Variants in FOXL2NB observed in about 807,000 individuals in gnomAD.
The protein encoded by FOXL2NB is FOXL2 neighbor protein.
FOXL2NB carries 10 observed loss-of-function variants against 7.4 expected under a neutral mutation model. The ratio of observed to expected loss-of-function variants is 1.34; its 90% CI spans 0.83 to 2.28. FOXL2NB has a LOEUF of 2.28. Among genes scored for constraint, FOXL2NB ranks in the 30% most tolerant of loss-of-function variants. The pLI is 0.00. For missense variants in FOXL2NB, 228 were observed against 233.9 expected, an observed-to-expected ratio of 0.97 and a Z score of 0.17; for synonymous variants, 104 against 105.3, an observed-to-expected ratio of 0.99 and a Z score of 0.08.
At position 138,949,397 on chromosome 3, in the gene FOXL2NB, T is replaced by C. The variant is rs796373923; in HGVS notation, c.101-123T>C. On this transcript the variant is annotated intron_variant, in intron 1 of 2. Coordinates refer to ENST00000383165, the MANE Select transcript of FOXL2NB (RefSeq NM_001040061.3). The surrounding 1 kb of genome is among the most constrained non-coding windows in gnomAD (Gnocchi z 4.5). ...CTGTGTGTGTATGCATGTGCGTGTGTGTGTGTGTGTGTGTGTGTGTAGGGG... is the reference window on the plus strand; with the variant it reads ...CTGTGTGTGTATGCATGTGCGTGTGCGTGTGTGTGTGTGTGTGTGTAGGGG... 1.1e-5 allele frequency: 11 copies of C among 1,026,330 alleles called. No individual in the cohort carries two copies. Among genetic ancestry groups the C allele is most frequent in the Non-Finnish European group, 1.3e-5 (9 of 703,128 alleles). 63.6% of individuals were successfully genotyped at this position (1,026,330 alleles called of 1,614,324 possible).
rs367968677 is a variant in FOXL2NB at position 138,949,507 on chromosome 3, C to T, written c.101-13C>T. The T allele has an allele frequency of 9.6e-5, 155 of 1,613,792 alleles. 1 individual carries two copies. Among genetic ancestry groups the T allele is most frequent in the Non-Finnish European group, 1.3e-4 (148 of 1,179,968 alleles). On this transcript the variant is annotated splice_polypyrimidine_tract_variant and intron_variant, in intron 1 of 2. Coordinates refer to ENST00000383165, the MANE Select transcript of FOXL2NB (RefSeq NM_001040061.3). This position sits in a 1 kb window ranked among gnomAD's most constrained non-coding sequence, Gnocchi z 4.5. Reference sequence around the variant, plus strand: ...TGAAAATACTGATTTCTGACTGTCCCGTAGAGGAACAGAATCCCCAGCCCT... The same window carrying T: ...TGAAAATACTGATTTCTGACTGTCCTGTAGAGGAACAGAATCCCCAGCCCT...
Position 138,949,674 on chromosome 3 carries a change from A to G in FOXL2NB, c.220+35A>G. The G allele has an allele frequency of 6.2e-7, 1 of 1,613,716 alleles. No homozygotes were observed. The highest frequency in any genetic ancestry group is 8.5e-7 in the Non-Finnish European group (1 of 1,179,896). On this transcript the variant is annotated intron_variant, in intron 2 of 2. Coordinates refer to ENST00000383165, the MANE Select transcript of FOXL2NB (RefSeq NM_001040061.3). The surrounding 1 kb of genome is among the most constrained non-coding windows in gnomAD (Gnocchi z 4.5). ...TGCGGGCGGGAAAGCTGGCAGAATGATTACTTTCAGGTCCCCTCCAGGCTT... is the reference window on the plus strand; with the variant it reads ...TGCGGGCGGGAAAGCTGGCAGAATGGTTACTTTCAGGTCCCCTCCAGGCTT...
At position 138,953,603 on chromosome 3, in the gene FOXL2NB, T is replaced by G. The variant is rs2107750844; in HGVS notation, c.*3031T>G. Among the ~76,000 whole-genome samples the G allele has an allele frequency of 6.6e-6, 1 of 152,358 alleles. No individual in the cohort carries two copies. The highest frequency in any genetic ancestry group is 2.1e-4 in the South Asian group (1 of 4,828). On this transcript the variant is annotated 3_prime_UTR_variant, in exon 3 of 3. Coordinates refer to ENST00000383165, the MANE Select transcript of FOXL2NB (RefSeq NM_001040061.3). ...TTACAGATGGTAAACAATATACAGC[T>G]TGATGTATTCTGACATGTAATGCAG... is the stretch of plus-strand genomic sequence containing the variant.
In FOXL2NB at chr3:138,950,579, C is replaced by T. The variant is rs781119604; in HGVS notation, c.*7C>T. On this transcript the variant is annotated 3_prime_UTR_variant, in exon 3 of 3. Transcript: ENST00000383165. ...GCTTCACTGTGTCTATTAGTACATC[C>T]CCATACACTCCACGCCTCAACAACT... 5.0e-6 allele frequency: 8 copies of T among 1,613,470 alleles called. No homozygotes were observed. Among genetic ancestry groups the T allele is most frequent in the Non-Finnish European group, 6.8e-6 (8 of 1,179,892 alleles).
rs1240270451 is a variant in FOXL2NB, at chr3:138,950,300, G to T, written c.256G>T (p.Ala86Ser). Residue 86 changes from alanine (A) to serine (S), a missense_variant, in exon 3 of 3, where the codon GCG (alanine) becomes TCG (serine). Transcript: ENST00000383165. Reference protein sequence around the residue: ...GILQQRQKPPAPRASGGPALL... With the variant: ...GILQQRQKPPSPRASGGPALL... ...CCTGCAACAGCGGCAGAAGCCGCCC[G>T]CGCCTCGGGCTTCCGGCGGCCCAGC... The T allele has an allele frequency of 2.0e-5, 32 of 1,606,018 alleles. No homozygotes were observed. Among genetic ancestry groups the T allele is most frequent in the Non-Finnish European group, 2.5e-5 (30 of 1,178,038 alleles).
chr3:138,947,345 T>C lies in FOXL2NB; in HGVS notation c.-20T>C. Reference sequence around the variant, plus strand: ...GCCCTTGAAATCTGCCGGTACTCGCTCTGCGGGCTGGGCTGGGAGATGACG... The same window carrying C: ...GCCCTTGAAATCTGCCGGTACTCGCCCTGCGGGCTGGGCTGGGAGATGACG... On this transcript the variant is annotated 5_prime_UTR_variant, in exon 1 of 3. Transcript: ENST00000383165. The surrounding 1 kb of genome is among the most constrained non-coding windows in gnomAD (Gnocchi z 5.2). The C allele has an allele frequency of 6.5e-7, 1 of 1,541,224 alleles. No homozygotes were observed. The highest frequency in any genetic ancestry group is 1.2e-5 in the South Asian group (1 of 83,528).
At position 138,947,978 on chromosome 3, in the gene FOXL2NB, C is replaced by G. The variant is rs1249258915; in HGVS notation, c.100+514C>G. ...GCTGTCCTTGAGATGGGTGAGATACCAGGTGCATGTGTGCTGCTCAGAAAC... is the reference window on the plus strand; with the variant it reads ...GCTGTCCTTGAGATGGGTGAGATACGAGGTGCATGTGTGCTGCTCAGAAAC... On this transcript the variant is annotated intron_variant, in intron 1 of 2. Transcript: ENST00000383165. This position sits in a 1 kb window ranked among gnomAD's most constrained non-coding sequence, Gnocchi z 5.2. 3 of 986,104 alleles carry G rather than the reference C, an allele frequency of 3.0e-6. No individual in the cohort carries two copies. The highest frequency in any genetic ancestry group is 1.7e-5 in the African/African-American group (1 of 57,232). 61.1% of individuals were successfully genotyped at this position (986,104 alleles called of 1,614,324 possible).
In FOXL2NB at chr3:138,950,394, G is replaced by T. The variant is rs201515778; in HGVS notation, c.350G>T (p.Arg117Leu). Residue 117 changes from arginine (R) to leucine (L), a missense_variant, in exon 3 of 3, where the codon CGC becomes CTC. By Grantham distance (102) the Arg-to-Leu change is moderately radical (BLOSUM62 -2). Transcript: ENST00000383165. ...SASLEPLSSSRAAAGCLNQVP... is the reference protein window; with the variant it reads ...SASLEPLSSSLAAAGCLNQVP... ...TCGCTAGAACCACTCAGCTCGTCCC[G>T]CGCCGCCGCCGGCTGCCTGAACCAG... The T allele has an allele frequency of 3.1e-6, 5 of 1,613,188 alleles. No individual in the cohort carries two copies. Among genetic ancestry groups the T allele is most frequent in the East Asian group, 2.2e-5 (1 of 44,884 alleles).
In FOXL2NB at chr3:138,949,949, T is replaced by TGGG; in HGVS notation, c.220+312_221-312dup. On this transcript the variant is annotated intron_variant, in intron 2 of 2. Transcript: ENST00000383165. The surrounding 1 kb of genome is among the most constrained non-coding windows in gnomAD (Gnocchi z 4.5). The stretch of plus-strand genomic sequence containing the variant: ...CCGGTTCCTTTTCTCCCCGCGGCAT[T>TGGG]GGGGCGACGCAGGGCCCCCGGCTTA... The TGGG allele has an allele frequency of 1.4e-6, 1 of 692,420 alleles. No homozygotes were observed. Among genetic ancestry groups the TGGG allele is most frequent in the Non-Finnish European group, 2.6e-6 (1 of 379,986 alleles). The allele number at this position is 692,420 out of a possible 1,614,324, so 42.9% of individuals were successfully genotyped here.
In FOXL2NB at chr3:138,949,272, C is replaced by T. The variant is rs1203808347; in HGVS notation, c.101-248C>T. Among the ~76,000 whole-genome samples the T allele has an allele frequency of 4.6e-5, 7 of 151,956 alleles. No homozygotes were observed. Among genetic ancestry groups the T allele is most frequent in the Admixed American group, 3.3e-4 (5 of 15,254 alleles). On this transcript the variant is annotated intron_variant, in intron 1 of 2. Transcript: ENST00000383165. This position sits in a 1 kb window ranked among gnomAD's most constrained non-coding sequence, Gnocchi z 4.5. ...TCTTTCTTCTTCTCACAGGCATTTC[C>T]GCTGCTCAGCCCTGCAGCAGCCAGG...
In FOXL2NB at chr3:138,953,794, A is replaced by AGCAT. The variant is rs1576474498; in HGVS notation, c.*3224_*3227dup. On this transcript the variant is annotated 3_prime_UTR_variant, in exon 3 of 3. Transcript: ENST00000383165. The stretch of plus-strand genomic sequence containing the variant: ...TGAGCCTCGTATAAATGGAGCATAT[A>AGCAT]GCATGTATGCCTTTATGTCTAGTTT... Among the ~76,000 whole-genome samples, 3 of 152,358 alleles carry AGCAT rather than the reference A, an allele frequency of 2.0e-5. No individual in the cohort carries two copies. In the East Asian group the frequency reaches 5.8e-4, roughly 29 times the overall value.
At position 138,950,925 on chromosome 3, in the gene FOXL2NB, C is replaced by T. The variant is rs1379078617; in HGVS notation, c.*353C>T. Reference sequence around the variant, plus strand: ...GGCTCCAGGTTTACAAGCCTGACTCCGAGAAGCCTGTTGATTCTCTGATGT... The same window carrying T: ...GGCTCCAGGTTTACAAGCCTGACTCTGAGAAGCCTGTTGATTCTCTGATGT... On this transcript the variant is annotated 3_prime_UTR_variant, in exon 3 of 3. Coordinates refer to ENST00000383165, the MANE Select transcript of FOXL2NB (RefSeq NM_001040061.3). 1 of 288,694 alleles carries T rather than the reference C, an allele frequency of 3.5e-6. No homozygotes were observed. Among genetic ancestry groups the T allele is most frequent in the Non-Finnish European group, 6.4e-6 (1 of 155,378 alleles). The allele number at this position is 288,694 out of a possible 1,614,324, so 17.9% of individuals were successfully genotyped here. A position where few individuals can be genotyped will look rare whatever the true frequency, so the allele number is the denominator to read the frequency against.
rs1559926343 is a variant in FOXL2NB, at chr3:138,953,904, A to C, written c.*3332A>C. On this transcript the variant is annotated 3_prime_UTR_variant, in exon 3 of 3. Coordinates refer to ENST00000383165, the MANE Select transcript of FOXL2NB (RefSeq NM_001040061.3). ...TCTTTTTATTGCTGTGTAATATTCTAGTATTTGCTTATCCATCCATATGTT... is the reference window on the plus strand; with the variant it reads ...TCTTTTTATTGCTGTGTAATATTCTCGTATTTGCTTATCCATCCATATGTT... 6.6e-6 allele frequency among the ~76,000 whole-genome samples: 1 copy of C among 152,186 alleles called. No homozygotes were observed. Among genetic ancestry groups the C allele is most frequent in the African/African-American group, 2.4e-5 (1 of 41,436 alleles).
chr3:138,948,859 G>A (rs998296850), intron 1 of FOXL2NB, among the ~76,000 whole-genome samples: 7 of 152,350 alleles, frequency 4.6e-5, no homozygotes, highest in South Asian at 4.1e-4. Flanking sequence ...GAGGTCAGCA[G>A]GGCAGCCCTT....
In FOXL2NB at chr3:138,950,891, G is replaced by A; in HGVS notation, c.*319G>A. On this transcript the variant is annotated 3_prime_UTR_variant, in exon 3 of 3. Transcript: ENST00000383165. ...CACTTTCGCATCTCACGGTGCAGAA[G>A]GACCAATGGGCTCCAGGTTTACAAG... The A allele has an allele frequency of 2.8e-6, 1 of 354,814 alleles. No individual in the cohort carries two copies. Among genetic ancestry groups the A allele is most frequent in the Non-Finnish European group, 5.1e-6 (1 of 195,092 alleles). The allele number at this position is 354,814 out of a possible 1,614,324, so 22.0% of individuals were successfully genotyped here.
rs1936080814 is a variant in FOXL2NB at position 138,949,797 on chromosome 3, G to C, written c.220+158G>C. 2 of 1,088,718 alleles carry C rather than the reference G, an allele frequency of 1.8e-6. No individual in the cohort carries two copies. Among genetic ancestry groups the C allele is most frequent in the Non-Finnish European group, 2.7e-6 (2 of 732,450 alleles). 67.4% of individuals were successfully genotyped at this position (1,088,718 alleles called of 1,614,324 possible). A position where few individuals can be genotyped will look rare whatever the true frequency, so the allele number is the denominator to read the frequency against. ...GCCCAGCCAGAGGTGGGTGAACCGG[G>C]CGCTCCAGGAAACGGTGCGGGGCGC... On this transcript the variant is annotated intron_variant, in intron 2 of 2. Coordinates refer to ENST00000383165, the MANE Select transcript of FOXL2NB (RefSeq NM_001040061.3). The surrounding 1 kb of genome is among the most constrained non-coding windows in gnomAD (Gnocchi z 4.5).
Position 138,949,416 on chromosome 3 carries a change from G to T in FOXL2NB, c.101-104G>T. 1 of 1,246,506 alleles carries T rather than the reference G, an allele frequency of 8.0e-7. No homozygotes were observed. The highest frequency in any genetic ancestry group is 1.1e-6 in the Non-Finnish European group (1 of 884,664). The allele number at this position is 1,246,506 out of a possible 1,614,324, so 77.2% of individuals were successfully genotyped here. ...CGTGTGTGTGTGTGTGTGTGTGTGT[G>T]TAGGGGTTGGGGGCAAATGAAGGAG... On this transcript the variant is annotated intron_variant, in intron 1 of 2. Coordinates refer to ENST00000383165, the MANE Select transcript of FOXL2NB (RefSeq NM_001040061.3). This position sits in a 1 kb window ranked among gnomAD's most constrained non-coding sequence, Gnocchi z 4.5.
chr3:138,949,393 T>C lies in FOXL2NB; in HGVS notation c.101-127T>C, dbSNP rs1035188134. On this transcript the variant is annotated intron_variant, in intron 1 of 2. Coordinates refer to ENST00000383165, the MANE Select transcript of FOXL2NB (RefSeq NM_001040061.3). This position sits in a 1 kb window ranked among gnomAD's most constrained non-coding sequence, Gnocchi z 4.5. ...GAGCCTGTGTGTGTATGCATGTGCG[T>C]GTGTGTGTGTGTGTGTGTGTGTGTA... 2.4e-5 allele frequency: 10 copies of C among 422,778 alleles called. No individual in the cohort carries two copies. Among genetic ancestry groups the C allele is most frequent in the Non-Finnish European group, 3.5e-5 (9 of 256,472 alleles). 26.2% of individuals were successfully genotyped at this position (422,778 alleles called of 1,614,324 possible). A position where few individuals can be genotyped will look rare whatever the true frequency, so the allele number is the denominator to read the frequency against.
chr3:138,950,144 C>A, intron 2 of FOXL2NB, 121 bp from the exon 3 acceptor site: 1 of 1,087,526 alleles, frequency 9.2e-7, no homozygotes, highest in Non-Finnish European at 1.4e-6. Context: ...TTCCAGTGAA[C>A]CGCCGATTGA....
Sources: allele counts gnomAD v4.1 joint callset (sites outside exome capture counted in the v4.1 genomes callset), GRCh38; gene constraint gnomAD v4.1.1; non-coding constraint Gnocchi (gnomAD v3.1); transcripts MANE v1.5; gene names NCBI Gene and HGNC (gene_info 2026-07-23, HGNC 2026-07-21).